The following DIP2B variants were observed in gnomAD, a reference collection of about 807,000 sequenced individuals.
DIP2B encodes DIP2 acetate--CoA ligase B (putative).
In DIP2B, 76 loss-of-function variants were observed where a neutral mutation model predicts 198.0. The ratio of observed to expected loss-of-function variants is 0.38; its 90% confidence interval spans 0.32 to 0.46. The LOEUF is 0.46. DIP2B is among the 20% of genes least tolerant of loss of function. The pLI, the probability that DIP2B is intolerant of heterozygous loss-of-function variation, is 0.99. For missense variants in DIP2B, 1,559 were observed against 1,978.4 expected (o/e 0.79, Z 4.02); for synonymous variants, 701 against 739.1 (o/e 0.95, Z 0.84).
chr12:50,617,433 G>A (rs1187707844), intron 1 of DIP2B, among the ~76,000 whole-genome samples: 1 of 151,826 alleles, frequency 6.6e-6, no homozygotes, highest in Admixed American at 6.6e-5. Context: ...GGGATTACAG[G>A]CGTGAGCCAC....
Position 50,744,980 on chromosome 12 carries a change from A to G in DIP2B, c.*141A>G, listed in dbSNP as rs944002471. On this transcript the variant is annotated 3_prime_UTR_variant, in exon 38 of 38. Transcript: ENST00000301180. Reference sequence around the variant, plus strand: ...TTCATCTCATCCTGTGGGATTCTGCAATCATAAAACACAGGAAAGGGGAAT... The same window carrying G: ...TTCATCTCATCCTGTGGGATTCTGCGATCATAAAACACAGGAAAGGGGAAT... 1 of 1,074,526 alleles carries G rather than the reference A, an allele frequency of 9.3e-7. No individual in the cohort carries two copies. The highest frequency in any genetic ancestry group is 1.6e-5 in the African/African-American group (1 of 63,120). The allele number at this position is 1,074,526 out of a possible 1,614,324, so 66.6% of individuals were successfully genotyped here. A position where few individuals can be genotyped will look rare whatever the true frequency, so the allele number is the denominator to read the frequency against.
rs1260507184 is a variant in DIP2B, at chr12:50,727,820, G to A, written c.3510+8G>A. The A allele has an allele frequency of 1.9e-5, 31 of 1,610,462 alleles. No individual in the cohort carries two copies. Among genetic ancestry groups the A allele is most frequent in the Non-Finnish European group, 2.5e-5 (29 of 1,178,316 alleles). On this transcript the variant is annotated splice_region_variant and intron_variant, in intron 29 of 37. Transcript: ENST00000301180. ...ATGCTTACAGGAGTGAAGGTAAGGT[G>A]CATGCTGGAAAAATGCCACATCTGC...
chr12:50,546,064 C>G (rs564968177), intron 1 of DIP2B, among the ~76,000 whole-genome samples: 1 of 152,322 alleles, frequency 6.6e-6, no homozygotes, highest in South Asian at 2.1e-4. Flanking sequence ...TGCCTGTCAA[C>G]TTTGTTTCCA....
chr12:50,664,830 G>GTTTTTTTTT lies in DIP2B; in HGVS notation c.427+4516_427+4517insTTTTTTTTT, dbSNP rs1205734576. On this transcript the variant is annotated intron_variant, in intron 4 of 37. Coordinates refer to ENST00000301180, the MANE Select transcript of DIP2B (RefSeq NM_173602.3). The stretch of plus-strand genomic sequence containing the variant: ...CAAGGAGAATTTCCCTCCTTTTTTG[G>GTTTTTTTTT]TTTTTGTTTTTTTTTTTTTTTTTTT... Among the ~76,000 whole-genome samples the GTTTTTTTTT allele has an allele frequency of 3.1e-4, 31 of 99,644 alleles. 9 individuals are homozygous for GTTTTTTTTT. Among genetic ancestry groups the GTTTTTTTTT allele is most frequent in the African/African-American group, 1.2e-3 (28 of 23,974 alleles). The allele number at this position is 99,644 out of a possible 152,430, so 65.4% of individuals were successfully genotyped here.
chr12:50,574,884 A>T (rs146714982), intron 1 of DIP2B, among the ~76,000 whole-genome samples: 272 of 152,332 alleles, frequency 1.8e-3, no homozygotes, highest in Non-Finnish European at 3.3e-3. Context: ...TATCGGAACG[A>T]TGGGAATTTG....
At chr12:50,519,998 A>C (rs976112055) in intron 1 of DIP2B, among the ~76,000 whole-genome samples, 4 of 149,894 alleles carry the variant, frequency 2.7e-5, no homozygotes, top group African/African-American at 7.3e-5. Context: ...GATATGAATA[A>C]ATTTTATAGT....
chr12:50,708,687 G>T, intron 22 of DIP2B, 125 bp downstream of exon 22: 4 of 705,058 alleles, frequency 5.7e-6, no homozygotes, highest in Non-Finnish European at 9.6e-6. Flanking sequence ...ACATACTCTG[G>T]GTACTACTAG....
At chr12:50,695,399 G>T in intron 15 of DIP2B, 39 bp downstream of exon 15, 1 of 1,554,112 alleles carries the variant, frequency 6.4e-7, no homozygotes, top group Non-Finnish European at 8.9e-7. Flanking sequence ...TTATGTGACT[G>T]TTTGAATTAA....
chr12:50,562,460 C>G (rs1958527472), intron 1 of DIP2B, among the ~76,000 whole-genome samples: 1 of 151,832 alleles, frequency 6.6e-6, no homozygotes, highest in Non-Finnish European at 1.5e-5. Context: ...TCTAGTCGGG[C>G]ACGGTGGCTC....
intron 3 of DIP2B, among the ~76,000 whole-genome samples, chr12:50,648,387 G>A (rs190192326): frequency 7.3e-5 from 11 of 151,690 alleles, no homozygotes; most frequent in East Asian, 3.9e-4. Flanking sequence ...TTTTTGAGAC[G>A]GAGTCTCGCT....
intron 3 of DIP2B, among the ~76,000 whole-genome samples, chr12:50,644,481 GCTT>G (rs1938315507): frequency 6.6e-6 from 1 of 152,212 alleles, no homozygotes; most frequent in African/African-American, 2.4e-5. Flanking sequence ...GCTTCCACAT[GCTT>G]CTGGGAGAGA....
chr12:50,665,777 A>G (rs1003033), intron 4 of DIP2B, among the ~76,000 whole-genome samples: 36,500 of 146,436 alleles, frequency 0.25, 4,947 homozygotes, highest in East Asian at 0.43. Context: ...CCTCAACTGA[A>G]AAAAAAAAAA....
chr12:50,512,849 A>G (rs1329686951), intron 1 of DIP2B, among the ~76,000 whole-genome samples: 1 of 152,190 alleles, frequency 6.6e-6, no homozygotes, highest in African/African-American at 2.4e-5. Context: ...CTACTAAAAT[A>G]CAAAAAAATT....
chr12:50,695,377 T>C lies in DIP2B; in HGVS notation c.1813+17T>C. The C allele has an allele frequency of 6.3e-7, 1 of 1,593,158 alleles. No homozygotes were observed. On this transcript the variant is annotated intron_variant, in intron 15 of 37. Coordinates refer to ENST00000301180, the MANE Select transcript of DIP2B (RefSeq NM_173602.3). ...CTCACAAAGGTAGTCACCTGCAACA[T>C]CTGAGCTTTAATTATGTGACTGTTT...
At chr12:50,685,570 A>G (rs1320507674) in intron 10 of DIP2B, among the ~76,000 whole-genome samples, 1 of 152,234 alleles carries the variant, frequency 6.6e-6, no homozygotes, top group African/African-American at 2.4e-5. Flanking sequence ...TGACTCTTGA[A>G]TAAAATGGTT....
chr12:50,534,411 C>G (rs896763684), intron 1 of DIP2B, among the ~76,000 whole-genome samples: 5 of 120,220 alleles, frequency 4.2e-5, no homozygotes, highest in Non-Finnish European at 8.0e-5. Context: ...CTCACTGTGT[C>G]GCCCAGACTG....
chr12:50,744,756 A>G lies in DIP2B; in HGVS notation c.4648A>G (p.Arg1550Gly). The stretch of plus-strand genomic sequence containing the variant: ...CCCAGGTGTCATCCCGATCAACTCC[A>G]GAGGAGAGAAGCAGAGGATGCACCT... ...VDPGVIPINSRGEKQRMHLRD... is the reference protein window; with the variant it reads ...VDPGVIPINSGGEKQRMHLRD... The change falls in exon 38 of 38, where the codon AGA becomes GGA. Residue 1550 changes from arginine (R) to glycine (G), a missense_variant. Physicochemically the swap from Arg to Gly is moderately radical, Grantham distance 125. Coordinates refer to ENST00000301180, the MANE Select transcript of DIP2B (RefSeq NM_173602.3). 1.2e-6 allele frequency: 2 copies of G among 1,614,172 alleles called. No homozygotes were observed. The highest frequency in any genetic ancestry group is 1.7e-6 in the Non-Finnish European group (2 of 1,180,050).
chr12:50,737,125 T>C lies in DIP2B; in HGVS notation c.4176+15T>C, dbSNP rs1940151607. 1 of 1,609,782 alleles carries C rather than the reference T, an allele frequency of 6.2e-7. No individual in the cohort carries two copies. The highest frequency in any genetic ancestry group is 1.3e-5 in the African/African-American group (1 of 74,692). On this transcript the variant is annotated intron_variant, in intron 35 of 37. Transcript: ENST00000301180. ...ACCTTGGAGAGGTTTGTAATAATTT[T>C]CATTTTTACTCTGAAAAGTCAGCAG... is the stretch of plus-strand genomic sequence containing the variant.
At chr12:50,512,961 C>T (rs1344538268) in intron 1 of DIP2B, among the ~76,000 whole-genome samples, 2 of 152,090 alleles carry the variant, frequency 1.3e-5, no homozygotes, top group Non-Finnish European at 2.9e-5. Flanking sequence ...GAGCTAGGAC[C>T]GCACCACTGC....
Sources: allele counts gnomAD v4.1 joint callset (sites outside exome capture counted in the v4.1 genomes callset), GRCh38; gene constraint gnomAD v4.1.1; transcripts MANE v1.5; gene names NCBI Gene and HGNC (gene_info 2026-07-23, HGNC 2026-07-21).